Variants in P2RY8 observed in about 807,000 individuals in gnomAD.
P2RY8 encodes the protein S-geranylgeranyl-glutathione receptor P2RY8.
A neutral mutation model predicts 10.0 loss-of-function variants in P2RY8; 6 were observed. The ratio of observed to expected loss-of-function variants is 0.60; its 90% CI spans 0.33 to 1.19. The LOEUF is 1.19. Among genes scored for constraint, P2RY8 ranks in the 50% most tolerant of loss-of-function variants. The pLI is 0.04. For missense variants in P2RY8, 456 were observed against 542.0 expected (o/e 0.84, Z 1.58); for synonymous variants, 276 against 252.5 (o/e 1.09, Z -0.88).
intron 1 of P2RY8, among the ~76,000 whole-genome samples, chrX:1,502,017 T>C (rs1267275933): frequency 6.6e-6 from 1 of 152,136 alleles, no homozygotes; most frequent in Non-Finnish European, 1.5e-5. Flanking sequence ...TTCAAACGAT[T>C]GTCCTGCCTC....
intron 1 of P2RY8, among the ~76,000 whole-genome samples, chrX:1,489,026 G>A (rs2092015106): frequency 6.6e-6 from 1 of 152,038 alleles, no homozygotes; most frequent in Admixed American, 6.6e-5. Flanking sequence ...TCCCACAAAT[G>A]TGGAGGGAAA....
At chrX:1,534,028 T>C (rs1313067618) in intron 1 of P2RY8, among the ~76,000 whole-genome samples, 28 of 126,246 alleles carry the variant, frequency 2.2e-4, no homozygotes, top group African/African-American at 8.3e-4. Flanking sequence ...ACATATATTA[T>C]ATACTTATCT....
intron 1 of P2RY8, among the ~76,000 whole-genome samples, chrX:1,532,927 C>T (rs1335502642): frequency 8.7e-5 from 11 of 126,290 alleles, no homozygotes; most frequent in Admixed American, 8.0e-4. Context: ...CGCTTGAATC[C>T]GGGAGAAGGA....
At chrX:1,530,818 ATCTG>A (rs1160633398) in intron 1 of P2RY8, among the ~76,000 whole-genome samples, 10 of 151,334 alleles carry the variant, frequency 6.6e-5, no homozygotes, top group Admixed American at 5.9e-4. Context: ...CTATATATCT[ATCTG>A]TCTATCATCA....
rs1304974070 is a variant in P2RY8, at chrX:1,462,844, G to A, written c.*2635C>T. ...CTTAAAACATGTGTGTGAGTCAATA[G>A]ACCTGTGTTATCTTTTCACTCAAAG... On this transcript the variant is annotated 3_prime_UTR_variant, in exon 2 of 2. Coordinates refer to ENST00000381297, the MANE Select transcript of P2RY8 (RefSeq NM_178129.5). 1 of 232,898 alleles carries A rather than the reference G, an allele frequency of 4.3e-6. No individual in the cohort carries two copies. Among genetic ancestry groups the A allele is most frequent in the African/African-American group, 2.2e-5 (1 of 45,292 alleles). The allele number at this position is 232,898 out of a possible 1,614,324, so 14.4% of individuals were successfully genotyped here.
At chrX:1,475,303 GT>G (rs1186591293) in intron 1 of P2RY8, among the ~76,000 whole-genome samples, 2 of 151,842 alleles carry the variant, frequency 1.3e-5, no homozygotes, top group African/African-American at 4.8e-5. Flanking sequence ...GGGTAGATGG[GT>G]GGATGGATGA....
At chrX:1,526,109 C>G (rs1166437677) in intron 1 of P2RY8, among the ~76,000 whole-genome samples, 2 of 151,590 alleles carry the variant, frequency 1.3e-5, no homozygotes, top group African/African-American at 2.4e-5. Flanking sequence ...AATACACCCA[C>G]TATTCAGACA....
In P2RY8 at chrX:1,536,942, A is replaced by C; in HGVS notation, c.-46T>G. On this transcript the variant is annotated 5_prime_UTR_variant, in exon 1 of 2. Transcript: ENST00000381297. Reference sequence around the variant, plus strand: ...TCACCTGTGCAGAAGCAGCGGCAGAAGTAGCAGGTGAGAGCTCAGAGGGTC... The same window carrying C: ...TCACCTGTGCAGAAGCAGCGGCAGACGTAGCAGGTGAGAGCTCAGAGGGTC... 1 of 228,806 alleles carries C rather than the reference A, an allele frequency of 4.4e-6. No homozygotes were observed. Among genetic ancestry groups the C allele is most frequent in the East Asian group, 6.2e-5 (1 of 16,026 alleles). The allele number at this position is 228,806 out of a possible 1,614,324, so 14.2% of individuals were successfully genotyped here.
chrX:1,484,955 A>G (rs1569537028), intron 1 of P2RY8, among the ~76,000 whole-genome samples: 1 of 150,582 alleles, frequency 6.6e-6, no homozygotes, highest in African/African-American at 2.4e-5. Context: ...TTGTTAAGCA[A>G]ACATCTGATT....
Position 1,463,345 on chromosome X carries a change from A to G in P2RY8, c.*2134T>C, listed in dbSNP as rs752634730. 1.1e-4 allele frequency: 25 copies of G among 232,672 alleles called. No individual in the cohort carries two copies. Among genetic ancestry groups the G allele is most frequent in the African/African-American group, 5.3e-4 (24 of 45,380 alleles). 14.4% of individuals were successfully genotyped at this position (232,672 alleles called of 1,614,324 possible). A position where few individuals can be genotyped will look rare whatever the true frequency, so the allele number is the denominator to read the frequency against. Reference sequence around the variant, plus strand: ...TGTGGAAGTTCTGGGTCTCTTACGCATCCTCCAGTTCCCCCTGGAGGCTCT... The same window carrying G: ...TGTGGAAGTTCTGGGTCTCTTACGCGTCCTCCAGTTCCCCCTGGAGGCTCT... On this transcript the variant is annotated 3_prime_UTR_variant, in exon 2 of 2. Coordinates refer to ENST00000381297, the MANE Select transcript of P2RY8 (RefSeq NM_178129.5).
At position 1,522,924 on chromosome X, in the gene P2RY8, C is replaced by A. The variant is rs1307047005; in HGVS notation, c.-25+13997G>T. On this transcript the variant is annotated intron_variant, in intron 1 of 1. Coordinates refer to ENST00000381297, the MANE Select transcript of P2RY8 (RefSeq NM_178129.5). ...TCTCTACTAAAAATACAAACATTAGCTGGGCATGGTGCCACATGCCTATAA... is the reference window on the plus strand; with the variant it reads ...TCTCTACTAAAAATACAAACATTAGATGGGCATGGTGCCACATGCCTATAA... 4.0e-5 allele frequency among the ~76,000 whole-genome samples: 6 copies of A among 151,204 alleles called. No individual in the cohort carries two copies. The East Asian group carries it at 1.2e-3, about 30-fold the overall frequency.
intron 1 of P2RY8, among the ~76,000 whole-genome samples, chrX:1,519,719 C>T (rs2092377125): frequency 6.6e-6 from 1 of 151,938 alleles, no homozygotes; most frequent in African/African-American, 2.4e-5. Context: ...TCTCTGGTTA[C>T]CAATCATCTC....
chrX:1,494,584 G>C (rs1217953528), intron 1 of P2RY8, among the ~76,000 whole-genome samples: 1 of 152,112 alleles, frequency 6.6e-6, no homozygotes, highest in African/African-American at 2.4e-5. Context: ...CATTGCCTCA[G>C]AAGGGTTAGT....
At chrX:1,509,751 GTC>G (rs2092281562) in intron 1 of P2RY8, among the ~76,000 whole-genome samples, 4 of 78,232 alleles carry the variant, frequency 5.1e-5, no homozygotes, top group African/African-American at 1.8e-4. Context: ...GTATCTATCT[GTC>G]TATCTATCTA....
intron 1 of P2RY8, among the ~76,000 whole-genome samples, chrX:1,534,855 G>A (rs1293991486): frequency 1.3e-5 from 2 of 152,094 alleles, no homozygotes; most frequent in Non-Finnish European, 2.9e-5. Flanking sequence ...TGCAGTGTGG[G>A]TAGGGTTGGA....
intron 1 of P2RY8, among the ~76,000 whole-genome samples, chrX:1,511,550 C>T (rs147394856): frequency 1.2e-3 from 182 of 152,266 alleles, no homozygotes; most frequent in Non-Finnish European, 2.1e-3. Flanking sequence ...GACGAGATCT[C>T]GGTCTGTCAC....
chrX:1,509,481 A>C (rs1391587560), intron 1 of P2RY8, among the ~76,000 whole-genome samples: 5 of 133,888 alleles, frequency 3.7e-5, no homozygotes, highest in African/African-American at 1.5e-4. Flanking sequence ...TCTATCATCT[A>C]TGCATCCATC....
intron 1 of P2RY8, among the ~76,000 whole-genome samples, chrX:1,506,620 G>A (rs1379121428): frequency 6.6e-6 from 1 of 152,024 alleles, no homozygotes; most frequent in African/African-American, 2.4e-5. Context: ...CATGAGCTCC[G>A]TGACTCAGAG....
chrX:1,513,602 A>G (rs1262171812), intron 1 of P2RY8, among the ~76,000 whole-genome samples: 1 of 151,556 alleles, frequency 6.6e-6, no homozygotes, highest in Non-Finnish European at 1.5e-5. Context: ...ATCCAGAATG[A>G]TCCAATCTCA....
Sources: allele counts gnomAD v4.1 joint callset (sites outside exome capture counted in the v4.1 genomes callset), GRCh38; gene constraint gnomAD v4.1.1; transcripts MANE v1.5; gene names NCBI Gene and HGNC (gene_info 2026-07-23, HGNC 2026-07-21).